Variants in INPP4B observed in about 807,000 individuals in gnomAD.
INPP4B encodes inositol polyphosphate-4-phosphatase type II B, also known as inositol polyphosphate 4-phosphatase type II.
A neutral mutation model predicts 122.5 loss-of-function variants in INPP4B; 55 were observed. The observed-to-expected ratio is 0.45, with a 90% CI of 0.36 to 0.56. The LOEUF (loss-of-function observed/expected upper bound fraction) is 0.56. INPP4B is among the 20% of genes least tolerant of loss of function. The pLI, the probability that INPP4B is intolerant of heterozygous loss-of-function variation, is 0.00. For synonymous variants in INPP4B, 403 were observed against 388.7 expected, an observed-to-expected ratio of 1.04 and a Z score of -0.43; for missense variants, 1,000 against 1,097.7, an observed-to-expected ratio of 0.91 and a Z score of 1.26.
At chr4:142,395,148 T>C (rs1289428956) in intron 7 of INPP4B, among the ~76,000 whole-genome samples, 2 of 152,038 alleles carry the variant, frequency 1.3e-5, no homozygotes, top group Non-Finnish European at 2.9e-5. Flanking sequence ...GTGCAGATAA[T>C]AGTAAAACAG....
At chr4:142,113,725 T>C (rs955170086) in intron 21 of INPP4B, among the ~76,000 whole-genome samples, 1 of 152,032 alleles carries the variant, frequency 6.6e-6, no homozygotes, top group African/African-American at 2.4e-5. Flanking sequence ...TTTTCAGGAA[T>C]ATGAGAAGCA....
At chr4:142,130,642 G>A (rs1390964133) in intron 18 of INPP4B, among the ~76,000 whole-genome samples, 6 of 152,190 alleles carry the variant, frequency 3.9e-5, no homozygotes, top group Admixed American at 3.9e-4. Context: ...CTCTATCTCA[G>A]GGCAGCCTCA....
chr4:142,837,027 G>A (rs935474165), intron 1 of INPP4B, among the ~76,000 whole-genome samples: 16 of 152,078 alleles, frequency 1.1e-4, no homozygotes, highest in South Asian at 6.2e-4. Context: ...TTAGCAGGGC[G>A]TGGTGGCACG....
chr4:142,294,042 G>A (rs1757524798), intron 9 of INPP4B, among the ~76,000 whole-genome samples: 2 of 152,140 alleles, frequency 1.3e-5, no homozygotes, highest in Admixed American at 1.3e-4. Context: ...GACTCAGAAG[G>A]GTAGGAGGAA....
At chr4:142,170,454 A>T (rs1463606798) in intron 16 of INPP4B, among the ~76,000 whole-genome samples, 3 of 151,702 alleles carry the variant, frequency 2.0e-5, no homozygotes, top group Non-Finnish European at 4.4e-5. Context: ...CCATATAGCA[A>T]TCTGAAGACA....
intron 17 of INPP4B, among the ~76,000 whole-genome samples, chr4:142,156,822 G>C (rs1006770817): frequency 1.3e-5 from 2 of 152,056 alleles, no homozygotes; most frequent in Non-Finnish European, 2.9e-5. Flanking sequence ...CATCAGCCGG[G>C]TAGGATTTAA....
intron 1 of INPP4B, among the ~76,000 whole-genome samples, chr4:142,770,646 A>T (rs376177551): frequency 1.1e-4 from 17 of 152,140 alleles, no homozygotes; most frequent in African/African-American, 3.9e-4. Context: ...TTTAATAGGA[A>T]TTTAAGTTTC....
intron 1 of INPP4B, among the ~76,000 whole-genome samples, chr4:142,752,085 A>G (rs149113389): frequency 2.0e-5 from 3 of 152,200 alleles, no homozygotes; most frequent in Non-Finnish European, 4.4e-5. Flanking sequence ...AAACTCTGTA[A>G]GCCTAGAGGC....
chr4:142,555,410 A>G lies in INPP4B; in HGVS notation c.-190-92684T>C, dbSNP rs1728927021. 2.6e-5 allele frequency among the ~76,000 whole-genome samples: 4 copies of G among 152,278 alleles called. No homozygotes were observed. In the South Asian group the frequency reaches 8.3e-4, roughly 32 times the overall value. On this transcript the variant is annotated intron_variant, in intron 2 of 25. Transcript: ENST00000262992. Reference sequence around the variant, plus strand: ...CATTGGAGAAAAGAGGCAAACATGAAAGATGTTAAGGAGGGAGAATCTATA... The same window carrying G: ...CATTGGAGAAAAGAGGCAAACATGAGAGATGTTAAGGAGGGAGAATCTATA...
intron 11 of INPP4B, among the ~76,000 whole-genome samples, chr4:142,240,953 C>T (rs1396026112): frequency 1.1e-4 from 17 of 151,894 alleles, no homozygotes; most frequent in Admixed American, 9.9e-4. Context: ...ACTCATGTAT[C>T]GAATATTGAA....
chr4:142,504,485 A>G (rs984668619), intron 2 of INPP4B, among the ~76,000 whole-genome samples: 4 of 152,188 alleles, frequency 2.6e-5, no homozygotes, highest in African/African-American at 9.6e-5. Context: ...ACTTTTCTAT[A>G]TGCCCTATAG....
At chr4:142,627,270 C>T (rs1309942338) in intron 2 of INPP4B, among the ~76,000 whole-genome samples, 3 of 151,322 alleles carry the variant, frequency 2.0e-5, no homozygotes, top group Admixed American at 2.0e-4. Context: ...ATTGCCCTGG[C>T]CAGAACTTCC....
intron 3 of INPP4B, among the ~76,000 whole-genome samples, chr4:142,441,030 C>A (rs999876040): frequency 6.6e-6 from 1 of 151,906 alleles, no homozygotes; most frequent in African/African-American, 2.4e-5. Flanking sequence ...GCAAGACAAG[C>A]GGAGATCAGA....
chr4:142,706,358 G>T (rs1449880884), intron 2 of INPP4B, among the ~76,000 whole-genome samples: 1 of 152,142 alleles, frequency 6.6e-6, no homozygotes, highest in African/African-American at 2.4e-5. Flanking sequence ...CTTTGTACTT[G>T]GTTCATGATT....
intron 25 of INPP4B, among the ~76,000 whole-genome samples, chr4:142,042,499 T>G (rs913659309): frequency 2.7e-5 from 4 of 148,638 alleles, no homozygotes; most frequent in African/African-American, 5.1e-5. Flanking sequence ...CCTTTTCCAC[T>G]GCCAATTTAT....
intron 7 of INPP4B, among the ~76,000 whole-genome samples, chr4:142,366,472 T>C (rs1343774278): frequency 6.6e-6 from 1 of 152,108 alleles, no homozygotes; most frequent in Non-Finnish European, 1.5e-5. Flanking sequence ...AGTTTTAGCA[T>C]AAGAATAACT....
At chr4:142,375,727 C>T (rs1561960905) in intron 7 of INPP4B, among the ~76,000 whole-genome samples, 1 of 152,028 alleles carries the variant, frequency 6.6e-6, no homozygotes, top group South Asian at 2.1e-4. Context: ...AGAACTTTTG[C>T]ATTTATCTTG....
At chr4:142,330,656 T>C (rs28526017) in intron 7 of INPP4B, among the ~76,000 whole-genome samples, 1 of 152,164 alleles carries the variant, frequency 6.6e-6, no homozygotes, top group East Asian at 1.9e-4. Context: ...ATTCAAAAGA[T>C]TTTAAAATAC....
At chr4:142,420,741 T>C (rs1216062359) in intron 5 of INPP4B, among the ~76,000 whole-genome samples, 1 of 151,936 alleles carries the variant, frequency 6.6e-6, no homozygotes, top group Non-Finnish European at 1.5e-5. Context: ...CTGTGAAACA[T>C]AGGTAATGGG....
Sources: gnomAD v4.1 joint callset for allele counts (sites outside exome capture counted in the v4.1 genomes callset) on GRCh38, gnomAD v4.1.1 for gene constraint, MANE v1.5 for transcripts, NCBI Gene and HGNC (gene_info 2026-07-23, HGNC 2026-07-21) for gene names.